TUBA4B: variants seen among roughly 807,000 people sequenced by gnomAD.
TUBA4B encodes tubulin alpha 4b.
A neutral mutation model predicts 18.4 loss-of-function variants in TUBA4B; 13 were observed. That is an observed-to-expected ratio of 0.71 (90% CI 0.46 to 1.12). TUBA4B has a LOEUF of 1.12. TUBA4B is among the 50% of genes most tolerant of loss of function. TUBA4B has a pLI of 0.00. For missense variants in TUBA4B, 244 were observed against 250.0 expected, an observed-to-expected ratio of 0.98 and a Z score of 0.16; for synonymous variants, 101 against 99.1, an observed-to-expected ratio of 1.02 and a Z score of -0.11.
chr2:219,260,627 G>T (rs1379840749), intron 1 of TUBA4B, among the ~76,000 whole-genome samples: 2 of 152,156 alleles, frequency 1.3e-5, no homozygotes, highest in African/African-American at 4.8e-5. Flanking sequence ...ACCTGCTTCT[G>T]TTCTAGGCTT....
At chr2:219,255,616 C>T (rs1261193601) in intron 1 of TUBA4B, among the ~76,000 whole-genome samples, 5 of 151,998 alleles carry the variant, frequency 3.3e-5, no homozygotes, top group South Asian at 2.1e-4. Context: ...GCGATCCACC[C>T]GCCTCAACCT....
rs1264742354 is a variant in TUBA4B at position 219,268,179 on chromosome 2, G to T, written c.58+1613G>T. Among the ~76,000 whole-genome samples, 6 of 149,182 alleles carry T rather than the reference G, an allele frequency of 4.0e-5. 1 individual carries two copies. The highest frequency in any genetic ancestry group is 8.9e-5 in the Non-Finnish European group (6 of 67,796). ...GCTGGAGTGCAGTGATGCAATCTCG[G>T]CTCACTGCAACCTCCACCTTCTGGG... On this transcript the variant is annotated intron_variant, in intron 2 of 3. Coordinates refer to ENST00000490341, the MANE Select transcript of TUBA4B (RefSeq NM_001355221.1).
intron 1 of TUBA4B, among the ~76,000 whole-genome samples, chr2:219,259,098 TG>T (rs1951742528): frequency 6.6e-6 from 1 of 150,758 alleles, no homozygotes; most frequent in Non-Finnish European, 1.5e-5. Flanking sequence ...CTGACCAACA[TG>T]GTGAAACCTC....
At chr2:219,261,721 G>A (rs756373564) in intron 1 of TUBA4B, among the ~76,000 whole-genome samples, 2 of 152,188 alleles carry the variant, frequency 1.3e-5, no homozygotes, top group Non-Finnish European at 2.9e-5. Flanking sequence ...CTCTAGGCTT[G>A]AAACCCTAAT....
rs1951679283 is a variant in TUBA4B, at chr2:219,253,322, C to G, written c.-86C>G. The stretch of plus-strand genomic sequence containing the variant: ...GGAGGCCGAACCCCGTTCCCACCAA[C>G]CCTCTCAGCTCAGACGCGGGGTGCT... On this transcript the variant is annotated 5_prime_UTR_variant, in exon 1 of 4. Coordinates refer to ENST00000490341, the MANE Select transcript of TUBA4B (RefSeq NM_001355221.1). The G allele has an allele frequency of 6.5e-7, 1 of 1,528,280 alleles. No individual in the cohort carries two copies. The highest frequency in any genetic ancestry group is 8.7e-7 in the Non-Finnish European group (1 of 1,143,142). 94.7% of individuals were successfully genotyped at this position (1,528,280 alleles called of 1,614,324 possible).
chr2:219,260,937 C>T (rs187004086), intron 1 of TUBA4B, among the ~76,000 whole-genome samples: 240 of 152,000 alleles, frequency 1.6e-3, no homozygotes, highest in Non-Finnish European at 2.8e-3. Flanking sequence ...CCATCGCACT[C>T]CAGCCTGGGG....
In TUBA4B at chr2:219,253,926, G is replaced by A. The variant is rs889411318; in HGVS notation, c.12+507G>A. 1.5e-5 allele frequency: 19 copies of A among 1,263,438 alleles called. No homozygotes were observed. In the Admixed American group the frequency reaches 6.5e-4, roughly 43 times the overall value. The allele number at this position is 1,263,438 out of a possible 1,614,324, so 78.3% of individuals were successfully genotyped here. On this transcript the variant is annotated intron_variant, in intron 1 of 3. Coordinates refer to ENST00000490341, the MANE Select transcript of TUBA4B (RefSeq NM_001355221.1). ...GGTCTCAGTGAGAACTGCGCTAGCT[G>A]CAGTGCCGCACCGCCCTTATAGGCG...
chr2:219,269,019 C>G (rs1055780265), intron 2 of TUBA4B, among the ~76,000 whole-genome samples: 4 of 152,108 alleles, frequency 2.6e-5, no homozygotes, highest in Non-Finnish European at 5.9e-5. Context: ...TCCCTTGAGC[C>G]CAGGAGTCCA....
In TUBA4B at chr2:219,271,491, T is replaced by C; in HGVS notation, c.518T>C (p.Ile173Thr). 3.7e-6 allele frequency: 6 copies of C among 1,614,148 alleles called. No homozygotes were observed. The highest frequency in any genetic ancestry group is 4.2e-6 in the Non-Finnish European group (5 of 1,180,018). Reference sequence around the variant, plus strand: ...AACCTCAATCGCCTCATTAGCCAAATTGTCTCCTCCATCACAGCTTCTCTG... The same window carrying C: ...AACCTCAATCGCCTCATTAGCCAAACTGTCTCCTCCATCACAGCTTCTCTG... ...YTNLNRLISQ[I>T]VSSITASLRF... The change falls in exon 4 of 4, where the codon ATT (isoleucine) becomes ACT (threonine). Residue 173 changes from isoleucine (I) to threonine (T), a missense_variant. Coordinates refer to ENST00000490341, the MANE Select transcript of TUBA4B (RefSeq NM_001355221.1).
At position 219,271,568 on chromosome 2, in the gene TUBA4B, G is replaced by T. The variant is rs754363495; in HGVS notation, c.595G>T (p.Val199Leu). 3 of 1,614,174 alleles carry T rather than the reference G, an allele frequency of 1.9e-6. No homozygotes were observed. Among genetic ancestry groups the T allele is most frequent in the Non-Finnish European group, 2.5e-6 (3 of 1,180,020 alleles). Reference sequence around the variant, plus strand: ...CCTGACAGAGTTCCAGACCAACCTGGTGTCCTACCTCACATCCACTTCCCC... The same window carrying T: ...CCTGACAGAGTTCCAGACCAACCTGTTGTCCTACCTCACATCCACTTCCCC... ...VDLTEFQTNL[V>L]SYLTSTSPWP... is the part of the protein sequence containing the mutation. Residue 199 changes from valine (V) to leucine (L), a missense_variant, in exon 4 of 4, where the codon GTG becomes TTG. Transcript: ENST00000490341.
At chr2:219,266,406 C>A (rs992165411) in intron 1 of TUBA4B, 115 bp from the exon 2 acceptor site, 3 of 625,524 alleles carry the variant, frequency 4.8e-6, no homozygotes. Context: ...GCCCTGCCCT[C>A]CCAGGCCGTT....
In TUBA4B at chr2:219,271,784, T is replaced by C; in HGVS notation, c.*85T>C. The C allele has an allele frequency of 3.1e-6, 5 of 1,609,062 alleles. No homozygotes were observed. Among genetic ancestry groups the C allele is most frequent in the South Asian group, 1.1e-5 (1 of 90,968 alleles). Reference sequence around the variant, plus strand: ...GTGCCCAAGGATGTCAACGCTGCCATTGCTGCCATCAAGACCAAGTGCAGC... The same window carrying C: ...GTGCCCAAGGATGTCAACGCTGCCACTGCTGCCATCAAGACCAAGTGCAGC... On this transcript the variant is annotated 3_prime_UTR_variant, in exon 4 of 4. Coordinates refer to ENST00000490341, the MANE Select transcript of TUBA4B (RefSeq NM_001355221.1).
chr2:219,263,351 G>A (rs985555652), intron 1 of TUBA4B, among the ~76,000 whole-genome samples: 1 of 152,066 alleles, frequency 6.6e-6, no homozygotes, highest in Non-Finnish European at 1.5e-5. Context: ...AAATTAGCGG[G>A]GTGTGTTGGT....
rs548758288 is a variant in TUBA4B at position 219,272,081 on chromosome 2, T to C, written c.*382T>C. ...AGGATATGACTGCCCTGGAGAAGGA[T>C]TACAAGGAGGTGGGCATGGATAGTG... On this transcript the variant is annotated 3_prime_UTR_variant, in exon 4 of 4. Transcript: ENST00000490341. The C allele has an allele frequency of 1.7e-6, 2 of 1,145,540 alleles. No individual in the cohort carries two copies. The highest frequency in any genetic ancestry group is 1.2e-5 in the South Asian group (1 of 81,662). 71.0% of individuals were successfully genotyped at this position (1,145,540 alleles called of 1,614,324 possible). A position where few individuals can be genotyped will look rare whatever the true frequency, so the allele number is the denominator to read the frequency against.
chr2:219,253,976 C>G, intron 1 of TUBA4B: 1 of 1,115,264 alleles, frequency 9.0e-7, no homozygotes, highest in Admixed American at 3.8e-5. Context: ...CCCGCGTTCC[C>G]CGCTCGCCCA....
chr2:219,268,290 T>TCTTTTC (rs1223329646), intron 2 of TUBA4B, among the ~76,000 whole-genome samples: 6 of 151,992 alleles, frequency 3.9e-5, no homozygotes, highest in African/African-American at 1.4e-4. Flanking sequence ...AGAGGGGGTT[T>TCTTTTC]CACCATGTTG....
intron 1 of TUBA4B, among the ~76,000 whole-genome samples, chr2:219,264,284 A>G (rs1951776465): frequency 6.6e-6 from 1 of 152,080 alleles, no homozygotes; most frequent in Non-Finnish European, 1.5e-5. Context: ...ACATGGTGAA[A>G]CACCATCTCT....
chr2:219,262,265 C>T (rs144412410), intron 1 of TUBA4B, among the ~76,000 whole-genome samples: 5 of 152,176 alleles, frequency 3.3e-5, no homozygotes, highest in African/African-American at 7.2e-5. Flanking sequence ...GAGCTGAGAT[C>T]GTGCCACTGC....
chr2:219,256,607 G>T (rs1951721904), intron 1 of TUBA4B, among the ~76,000 whole-genome samples: 2 of 152,200 alleles, frequency 1.3e-5, no homozygotes, highest in Admixed American at 1.3e-4. Context: ...CTTGAGATAG[G>T]GAGATGATCC....
Sources: gnomAD v4.1 joint callset for allele counts (sites outside exome capture counted in the v4.1 genomes callset) on GRCh38, gnomAD v4.1.1 for gene constraint, MANE v1.5 for transcripts, NCBI Gene and HGNC (gene_info 2026-07-23, HGNC 2026-07-21) for gene names.